Variants in PCGF3 observed in about 807,000 individuals in gnomAD.
The protein encoded by PCGF3 is polycomb group RING finger protein 3.
PCGF3 carries 7 observed loss-of-function variants against 33.1 expected under a neutral mutation model. The ratio of observed to expected loss-of-function variants is 0.21; its 90% CI spans 0.12 to 0.40. The LOEUF (loss-of-function observed/expected upper bound fraction) is 0.40. Ranked by LOEUF, PCGF3 falls within the 10% of genes least tolerant of loss-of-function variation. The probability of loss-of-function intolerance (pLI) is 1.00; values close to 1 mark genes in which losing one functional copy is unlikely to be tolerated. For synonymous variants in PCGF3, 153 were observed against 121.3 expected, an observed-to-expected ratio of 1.26 and a Z score of -1.72; for missense variants, 211 against 313.3, an observed-to-expected ratio of 0.67 and a Z score of 2.46.
At chr4:711,518 C>T (rs1386011551) in intron 1 of PCGF3, among the ~76,000 whole-genome samples, 67 of 136,918 alleles carry the variant, frequency 4.9e-4, no homozygotes, top group African/African-American at 1.4e-3. Flanking sequence ...ACTGCAGTGG[C>T]GCAATCTCGG....
intron 1 of PCGF3, among the ~76,000 whole-genome samples, chr4:716,157 G>A (rs1392460366): frequency 1.6e-5 from 2 of 126,718 alleles, no homozygotes; most frequent in African/African-American, 5.5e-5. Flanking sequence ...TAGACACTGA[G>A]TGTGAGAACT....
chr4:726,995 G>A (rs1475231002), intron 1 of PCGF3, among the ~76,000 whole-genome samples: 1 of 152,170 alleles, frequency 6.6e-6, no homozygotes, highest in Non-Finnish European at 1.5e-5. Flanking sequence ...ATTGAGTGGC[G>A]TGTGGGAACG....
At chr4:738,973 C>G (rs1015156629) in intron 6 of PCGF3, among the ~76,000 whole-genome samples, 5 of 152,212 alleles carry the variant, frequency 3.3e-5, no homozygotes, top group Non-Finnish European at 5.9e-5. Context: ...CCAGCAGTTT[C>G]TAGGCGTGGC....
rs1001354883 is a variant in PCGF3, at chr4:726,814, T to C, written c.-189-3816T>C. On this transcript the variant is annotated intron_variant, in intron 1 of 10. Coordinates refer to ENST00000362003, the Ensembl canonical transcript of PCGF3. Reference sequence around the variant, plus strand: ...TACACACTAAAATTCACCAGTTTTATTGTGCAGTTTGGGGACTTTTCACCC... The same window carrying C: ...TACACACTAAAATTCACCAGTTTTACTGTGCAGTTTGGGGACTTTTCACCC... 3.3e-5 allele frequency among the ~76,000 whole-genome samples: 5 copies of C among 152,212 alleles called. No individual in the cohort carries two copies. The East Asian group carries it at 9.6e-4, about 29-fold the overall frequency.
chr4:761,819 C>T (rs1254405217), intron 9 of PCGF3: 1 of 985,304 alleles, frequency 1.0e-6, no homozygotes. Context: ...GCGGCCTTGG[C>T]AGCGGGCGCA....
intron 6 of PCGF3, among the ~76,000 whole-genome samples, chr4:737,886 CAG>C (rs1743905486): frequency 6.6e-6 from 1 of 152,236 alleles, no homozygotes; most frequent in African/African-American, 2.4e-5. Context: ...TTCCCCACAA[CAG>C]AGGAGCAGCA....
chr4:734,066 G>A (rs763289574), intron 4 of PCGF3: 19 of 1,550,614 alleles, frequency 1.2e-5, no homozygotes, highest in South Asian at 2.4e-5. Flanking sequence ...GCCAGTAGCC[G>A]CTGTGACAGT....
exon 11 of PCGF3, chr4:767,917 A>G (rs1218568099): frequency 6.5e-6 from 1 of 152,708 alleles, no homozygotes; most frequent in Non-Finnish European, 1.5e-5. Flanking sequence ...ATCACAGTGC[A>G]GTTTTAAGTG....
Position 724,368 on chromosome 4 carries a change from G to A in PCGF3, c.-189-6262G>A, listed in dbSNP as rs1007885033. Among the ~76,000 whole-genome samples the A allele has an allele frequency of 3.9e-5, 6 of 152,366 alleles. No individual in the cohort carries two copies. In the South Asian group the frequency reaches 1.0e-3, roughly 26 times the overall value. ...TGGGCCACCACAGCCGGCCGCACAG[G>A]CAGGGAAGGTGAAGCTCCACGGAGC... is the stretch of plus-strand genomic sequence containing the variant. On this transcript the variant is annotated intron_variant, in intron 1 of 10. Transcript: ENST00000362003.
At position 744,660 on chromosome 4, in the gene PCGF3, A is replaced by G. The variant is rs201838189; in HGVS notation, c.434A>G (p.Asp145Gly). The G allele has an allele frequency of 4.5e-6, 7 of 1,559,330 alleles. No individual in the cohort carries two copies. Among genetic ancestry groups the G allele is most frequent in the Non-Finnish European group, 4.3e-6 (5 of 1,151,422 alleles). Residue 145 changes from aspartate to glycine, a missense_variant, in exon 8 of 11, where the codon GAC (aspartate) becomes GGC (glycine). Asp to Gly is a moderately conservative substitution (Grantham distance 94). This residue lies in a region of PCGF3 where 95 missense variants were observed against 83.0 expected (regional missense o/e 1.14). Transcript: ENST00000362003. Reference sequence around the variant, plus strand: ...GCCGCGGAGGAGAAGCCGGAGGAGGACAACGACTACCACCGCAGCGACGAG... The same window carrying G: ...GCCGCGGAGGAGAAGCCGGAGGAGGGCAACGACTACCACCGCAGCGACGAG...
intron 8 of PCGF3, among the ~76,000 whole-genome samples, chr4:754,730 G>C (rs1247865823): frequency 6.6e-6 from 1 of 152,176 alleles, no homozygotes; most frequent in Non-Finnish European, 1.5e-5. Flanking sequence ...GGTGTGCTGT[G>C]GGATGCAGCC....
chr4:735,001 C>T (rs369441518), exon 5 of PCGF3: 4 of 1,613,158 alleles, frequency 2.5e-6, no homozygotes, highest in Non-Finnish European at 3.4e-6. Flanking sequence ...TTGTGATCCA[C>T]CAGAGCCACC....
chr4:714,318 G>T (rs950250737), intron 1 of PCGF3, among the ~76,000 whole-genome samples: 1 of 152,148 alleles, frequency 6.6e-6, no homozygotes, highest in South Asian at 2.1e-4. Context: ...AGACCCACTC[G>T]TGGCCGTTCG....
At chr4:750,884 C>T (rs1379863348) in intron 8 of PCGF3, among the ~76,000 whole-genome samples, 1 of 152,060 alleles carries the variant, frequency 6.6e-6, no homozygotes, top group Non-Finnish European at 1.5e-5. Flanking sequence ...GCTCTAACCC[C>T]CGATTCTCTT....
chr4:762,599 G>A (rs564940200), intron 9 of PCGF3: 1 of 152,424 alleles, frequency 6.6e-6, no homozygotes, highest in Non-Finnish European at 1.5e-5. Context: ...TGCAGCAGAA[G>A]GCCTTCACAG....
exon 1 of PCGF3, chr4:705,862 G>A (rs1459054110): frequency 3.9e-5 from 6 of 152,084 alleles, no homozygotes; most frequent in African/African-American, 7.2e-5. Context: ...AACTCCGGAC[G>A]GGCTTTTTTC....
At chr4:766,979 CAG>C in exon 11 of PCGF3, 1 of 152,474 alleles carries the variant, frequency 6.6e-6, no homozygotes, top group East Asian at 1.9e-4. Context: ...TGGTTAGGAT[CAG>C]AGCTCTCCTG....
intron 1 of PCGF3, among the ~76,000 whole-genome samples, chr4:714,588 G>A (rs1349068906): frequency 6.6e-6 from 1 of 152,204 alleles, no homozygotes; most frequent in Admixed American, 6.5e-5. Flanking sequence ...GCCAGGGCCT[G>A]TCCTTGCCCT....
chr4:722,012 C>G (rs189659751), intron 1 of PCGF3, among the ~76,000 whole-genome samples: 2 of 152,108 alleles, frequency 1.3e-5, no homozygotes, highest in Admixed American at 1.3e-4. Context: ...TGGAGAGGCC[C>G]GTGGCAGCTC....
Sources: allele counts gnomAD v4.1 joint callset (sites outside exome capture counted in the v4.1 genomes callset), GRCh38; gene constraint gnomAD v4.1.1; regional missense constraint gnomAD v4.1.1; transcripts MANE v1.5; gene names NCBI Gene and HGNC (gene_info 2026-07-23, HGNC 2026-07-21).